Variants in PREX2 observed in about 807,000 individuals in gnomAD.
PREX2 encodes phosphatidylinositol 3,4,5-trisphosphate-dependent Rac exchanger 2 protein.
PREX2 carries 107 observed loss-of-function variants against 203.2 expected under a neutral mutation model. That is an observed-to-expected ratio of 0.53 (90% confidence interval 0.45 to 0.62). The LOEUF is 0.62. Among genes scored for constraint, PREX2 ranks in the 20% least tolerant of loss-of-function variants. PREX2 has a pLI of 0.00. For synonymous variants in PREX2, 672 were observed against 663.6 expected (o/e 1.01, Z -0.19); for missense variants, 1,777 against 1,955.9 (o/e 0.91, Z 1.72).
intron 1 of PREX2, among the ~76,000 whole-genome samples, chr8:68,014,788 T>C (rs991724874): frequency 6.6e-6 from 1 of 152,220 alleles, no homozygotes; most frequent in East Asian, 1.9e-4. Context: ...CATAAAGAAT[T>C]GTTCATCAGA....
In PREX2 at chr8:68,232,265, C is replaced by G. The variant is rs1252580934; in HGVS notation, c.*887C>G. 1 of 152,098 alleles carries G rather than the reference C, an allele frequency of 6.6e-6. No homozygotes were observed. The highest frequency in any genetic ancestry group is 6.5e-5 in the Admixed American group (1 of 15,274). 9.4% of individuals were successfully genotyped at this position (152,098 alleles called of 1,614,324 possible). ...TAAAACTCTTAATTTTATGAAGGCT[C>G]TCATATGAGAGGTCAGACTCTTCAA... On this transcript the variant is annotated 3_prime_UTR_variant, in exon 40 of 40. Transcript: ENST00000288368.
At chr8:68,212,044 C>T (rs1231832428) in intron 37 of PREX2, among the ~76,000 whole-genome samples, 1 of 152,022 alleles carries the variant, frequency 6.6e-6, no homozygotes, top group Non-Finnish European at 1.5e-5. Flanking sequence ...GTAACTAAAC[C>T]CACTGACTCC....
chr8:68,192,758 A>G (rs78117459), intron 37 of PREX2: 77,576 of 395,866 alleles, frequency 0.2, 9,145 homozygotes, highest in East Asian at 0.47. Flanking sequence ...AAATCTTATC[A>G]TAGTTGCATT....
chr8:67,970,540 C>G (rs1287199383), intron 1 of PREX2, among the ~76,000 whole-genome samples: 1 of 152,186 alleles, frequency 6.6e-6, no homozygotes, highest in Non-Finnish European at 1.5e-5. Context: ...CTCCAACAAC[C>G]TCCTACAGAG....
chr8:68,087,846 C>A (rs763450660), intron 19 of PREX2, 37 bp downstream of exon 19: 74 of 1,421,608 alleles, frequency 5.2e-5, no homozygotes, highest in Non-Finnish European at 6.7e-5. Flanking sequence ...AGCTTTCCAG[C>A]AGGTTTGGGA....
intron 1 of PREX2, among the ~76,000 whole-genome samples, chr8:68,010,615 T>C (rs549020059): frequency 9.2e-5 from 14 of 152,338 alleles, no homozygotes; most frequent in African/African-American, 2.9e-4. Flanking sequence ...TCCACCTCTC[T>C]GTGAGGCACA....
intron 39 of PREX2, among the ~76,000 whole-genome samples, chr8:68,228,964 A>AAT: frequency 8.3e-6 from 1 of 121,168 alleles, no homozygotes; most frequent in East Asian, 4.3e-4. Flanking sequence ...AAAAAAAAAA[A>AAT]AAAGAAAGAA....
intron 10 of PREX2, among the ~76,000 whole-genome samples, chr8:68,059,546 G>A (rs1238621861): frequency 6.6e-6 from 1 of 152,196 alleles, no homozygotes; most frequent in Non-Finnish European, 1.5e-5. Flanking sequence ...AAACAATGTA[G>A]TAGAACTTTT....
chr8:67,965,738 G>A (rs2129018038), intron 1 of PREX2, among the ~76,000 whole-genome samples: 1 of 152,208 alleles, frequency 6.6e-6, no homozygotes, highest in Admixed American at 6.5e-5. Flanking sequence ...AGAGTAAACG[G>A]CCTTCTGGTA....
chr8:68,034,491 C>A (rs766445666), intron 6 of PREX2, among the ~76,000 whole-genome samples: 1 of 151,966 alleles, frequency 6.6e-6, no homozygotes, highest in Non-Finnish European at 1.5e-5. Flanking sequence ...GTCCTTGATA[C>A]GCTTGTTTGG....
At chr8:68,060,627 T>C in intron 10 of PREX2, 52 bp from the exon 11 acceptor site, 1 of 1,279,574 alleles carries the variant, frequency 7.8e-7, no homozygotes, top group Non-Finnish European at 1.1e-6. Context: ...ATAGAAAGAC[T>C]TGCTGGGGAA....
chr8:68,079,707 C>A (rs898974441), intron 15 of PREX2, among the ~76,000 whole-genome samples: 9 of 151,982 alleles, frequency 5.9e-5, no homozygotes, highest in African/African-American at 2.2e-4. Context: ...AATACAAATT[C>A]TTCATATCAG....
At chr8:68,039,515 CT>C (rs1412150772) in intron 7 of PREX2, among the ~76,000 whole-genome samples, 1 of 152,126 alleles carries the variant, frequency 6.6e-6, no homozygotes, top group African/African-American at 2.4e-5. Context: ...AGTCCCATCA[CT>C]CATGTCCCAC....
At position 68,072,532 on chromosome 8, in the gene PREX2, G is replaced by A. The variant is rs1809228675; in HGVS notation, c.1531G>A (p.Val511Ile). Reference sequence around the variant, plus strand: ...CCATTTAAGGACCTACAAATCTGTGGTCATGGCCAACAAACTGATAGACTG... The same window carrying A: ...CCATTTAAGGACCTACAAATCTGTGATCATGGCCAACAAACTGATAGACTG... Reference protein sequence around the residue: ...DYHLRTYKSVVMANKLIDWLI... With the variant: ...DYHLRTYKSVIMANKLIDWLI... The change falls in exon 14 of 40, where the codon GTC (valine) becomes ATC (isoleucine). Residue 511 changes from valine to isoleucine, a missense_variant. Val to Ile is a conservative substitution (Grantham distance 29). Coordinates refer to ENST00000288368, the MANE Select transcript of PREX2 (RefSeq NM_024870.4). 6.3e-7 allele frequency: 1 copy of A among 1,598,146 alleles called. No homozygotes were observed. The highest frequency in any genetic ancestry group is 1.7e-4 in the Middle Eastern group (1 of 6,038).
At chr8:68,184,857 G>A (rs1812158488) in intron 35 of PREX2, among the ~76,000 whole-genome samples, 1 of 152,078 alleles carries the variant, frequency 6.6e-6, no homozygotes, top group Non-Finnish European at 1.5e-5. Flanking sequence ...TTTAAATAAG[G>A]CAATTGCATT....
chr8:68,194,080 T>G (rs1252963598), intron 37 of PREX2, among the ~76,000 whole-genome samples: 1 of 152,210 alleles, frequency 6.6e-6, no homozygotes, highest in African/African-American at 2.4e-5. Context: ...GATCAAAGCT[T>G]TGAAAGTTTT....
chr8:68,062,415 C>T lies in PREX2; in HGVS notation c.1339+1636C>T, dbSNP rs539964308. 3.3e-5 allele frequency among the ~76,000 whole-genome samples: 5 copies of T among 152,278 alleles called. No individual in the cohort carries two copies. In the East Asian group the frequency reaches 9.6e-4, roughly 29 times the overall value. ...CCTATTACATGCCCTAAACTTCTTA[C>T]CATGACCTACAACATCCGATGAGAT... On this transcript the variant is annotated intron_variant, in intron 11 of 39. Coordinates refer to ENST00000288368, the MANE Select transcript of PREX2 (RefSeq NM_024870.4).
At chr8:68,175,874 A>G (rs1811969507) in intron 35 of PREX2, among the ~76,000 whole-genome samples, 1 of 152,050 alleles carries the variant, frequency 6.6e-6, no homozygotes. Flanking sequence ...ATATCTTTAA[A>G]TATAAAATGT....
intron 22 of PREX2, among the ~76,000 whole-genome samples, chr8:68,098,619 G>T (rs1810160824): frequency 6.6e-6 from 1 of 151,878 alleles, no homozygotes; most frequent in Non-Finnish European, 1.5e-5. Context: ...GAATTACATG[G>T]ATTATTCTAT....
Sources: allele counts gnomAD v4.1 joint callset (sites outside exome capture counted in the v4.1 genomes callset), GRCh38; gene constraint gnomAD v4.1.1; transcripts MANE v1.5; gene names NCBI Gene and HGNC (gene_info 2026-07-23, HGNC 2026-07-21).